SV2A: variants seen among roughly 807,000 people sequenced by gnomAD.
SV2A encodes solute carrier family 22 member B1.
SV2A carries 25 observed loss-of-function variants against 78.0 expected under a neutral mutation model. The observed-to-expected ratio is 0.32, with a 90% confidence interval of 0.23 to 0.45. The LOEUF is 0.45. Among genes scored for constraint, SV2A ranks in the 20% least tolerant of loss-of-function variants. SV2A has a pLI of 1.00. For missense variants in SV2A, 752 were observed against 971.5 expected (o/e 0.77, Z 3.00); for synonymous variants, 355 against 384.7 (o/e 0.92, Z 0.90).
At chr1:149,916,941 AG>A (rs2092517812) in intron 1 of SV2A, among the ~76,000 whole-genome samples, 2 of 152,110 alleles carry the variant, frequency 1.3e-5, no homozygotes, top group South Asian at 4.1e-4. Flanking sequence ...GGAGAGGCAG[AG>A]AGGGGGACGC....
At position 149,905,706 on chromosome 1, in the gene SV2A, G is replaced by A. The variant is rs973598617; in HGVS notation, c.2045+174C>T. ...GATCTGCCTGCCTCGGCCTCCCAAA[G>A]CACTGGGATTACAGGCATGAGTCAC... On this transcript the variant is annotated intron_variant, in intron 12 of 12. Coordinates refer to ENST00000369146, the MANE Select transcript of SV2A (RefSeq NM_014849.5). 4.6e-6 allele frequency: 4 copies of A among 863,034 alleles called. No individual in the cohort carries two copies. In the South Asian group the frequency reaches 6.7e-5, roughly 14 times the overall value. The allele number at this position is 863,034 out of a possible 1,614,324, so 53.5% of individuals were successfully genotyped here. A position where few individuals can be genotyped will look rare whatever the true frequency, so the allele number is the denominator to read the frequency against.
chr1:149,907,472 A>T (rs587680840), intron 10 of SV2A, among the ~76,000 whole-genome samples: 1 of 152,334 alleles, frequency 6.6e-6, no homozygotes, highest in African/African-American at 2.4e-5. Flanking sequence ...TTTCAGCCAA[A>T]GGCAAATAAA....
At chr1:149,911,017 A>G (rs1553763667) in intron 3 of SV2A, 40 bp from the exon 4 acceptor site, 1 of 1,597,296 alleles carries the variant, frequency 6.3e-7, no homozygotes. Flanking sequence ...GCAAATGGCC[A>G]TAGTCCTGAT....
At chr1:149,908,540 G>A (rs1553763145) in intron 8 of SV2A, among the ~76,000 whole-genome samples, 1 of 151,896 alleles carries the variant, frequency 6.6e-6, no homozygotes, top group Non-Finnish European at 1.5e-5. Flanking sequence ...ATTCACCTTT[G>A]AGGACTTAGG....
rs1553762677 is a variant in SV2A, at chr1:149,906,004, A to G, written c.1921T>C (p.Phe641Leu). 6.2e-7 allele frequency: 1 copy of G among 1,614,100 alleles called. No individual in the cohort carries two copies. Among genetic ancestry groups the G allele is most frequent in the East Asian group, 2.2e-5 (1 of 44,896 alleles). The change falls in exon 12 of 13, where the codon TTC (phenylalanine) becomes CTC (leucine). Residue 641 changes from phenylalanine (F) to leucine (L), a missense_variant. Physicochemically the swap from Phe to Leu is conservative, Grantham distance 22. Transcript: ENST00000369146. Reference protein sequence around the residue: ...SSVMSCVSCFFLSFGNSESAM... With the variant: ...SSVMSCVSCFLLSFGNSESAM... ...GACTCACTGTTCCCAAAAGACAGGA[A>G]GAAGCAGGAGACACAGGACATCACG...
chr1:149,909,235 T>G lies in SV2A; in HGVS notation c.1336A>C (p.Ile446Leu), dbSNP rs1553763293. 6.2e-7 allele frequency: 1 copy of G among 1,613,878 alleles called. No homozygotes were observed. Among genetic ancestry groups the G allele is most frequent in the African/African-American group, 1.3e-5 (1 of 74,836 alleles). ...LSCFGPEYRR[I>L]TLMMMGVWFT... ...CACACACCCATCATCATCAGAGTGA[T>G]GCGCCGATATTCGGGACCAAAACAG... is the stretch of plus-strand genomic sequence containing the variant. The change falls in exon 8 of 13, where the codon ATC (isoleucine) becomes CTC (leucine). Residue 446 changes from isoleucine to leucine, a missense_variant. By Grantham distance (5) the Ile-to-Leu change is conservative (BLOSUM62 2). Around this residue, in one of 7 missense-constraint regions of SV2A, gnomAD observed 136 missense variants for 132.3 expected, o/e 1.03. Transcript: ENST00000369146.
At chr1:149,905,401 G>A in intron 12 of SV2A, 1 of 506,048 alleles carries the variant, frequency 2.0e-6, no homozygotes, top group Non-Finnish European at 3.5e-6. Flanking sequence ...CAAAAATTGA[G>A]GTTAACAGTT....
At chr1:149,914,447 C>G (rs2092499984) in intron 1 of SV2A, among the ~76,000 whole-genome samples, 1 of 152,168 alleles carries the variant, frequency 6.6e-6, no homozygotes. Flanking sequence ...TACCCCCAAA[C>G]CCACCCCAGC....
chr1:149,905,096 A>T lies in SV2A; in HGVS notation c.2147T>A (p.Ile716Asn). ...GGCAAGGGCAGCTGAGGCAAAGAGGATGGGTGCAGCCTTGGTGATTCCCAC... is the reference window on the plus strand; with the variant it reads ...GGCAAGGGCAGCTGAGGCAAAGAGGTTGGGTGCAGCCTTGGTGATTCCCAC... ...SFVGITKAAPILFASAALALG... is the reference protein window; with the variant it reads ...SFVGITKAAPNLFASAALALG... The change falls in exon 13 of 13, where the codon ATC becomes AAC. Residue 716 changes from isoleucine (I) to asparagine (N), a missense_variant. Physicochemically the swap from Ile to Asn is moderately radical, Grantham distance 149. Around this residue, in one of 7 missense-constraint regions of SV2A, gnomAD observed 186 missense variants for 274.6 expected, o/e 0.68. Transcript: ENST00000369146. The T allele has an allele frequency of 6.2e-7, 1 of 1,613,462 alleles. No individual in the cohort carries two copies. The highest frequency in any genetic ancestry group is 1.3e-5 in the African/African-American group (1 of 75,038).
At chr1:149,905,827 C>T (rs781820053) in intron 12 of SV2A, 53 bp downstream of exon 12, 13 of 1,598,354 alleles carry the variant, frequency 8.1e-6, no homozygotes, top group Admixed American at 1.7e-5. Flanking sequence ...CCTCCTTCCT[C>T]ACCCCACCCC....
rs2092426085 is a variant in SV2A, at chr1:149,904,945, C to A, written c.*69G>T. On this transcript the variant is annotated 3_prime_UTR_variant, in exon 13 of 13. Transcript: ENST00000369146. ...GGCTCTGGAGGTCAGGATGGCAGGG[C>A]AGGGAGGGGAAGGAAGGAGTTGTTG... 6.7e-7 allele frequency: 1 copy of A among 1,489,278 alleles called. No individual in the cohort carries two copies. The highest frequency in any genetic ancestry group is 9.0e-7 in the Non-Finnish European group (1 of 1,106,990). The allele number at this position is 1,489,278 out of a possible 1,614,324, so 92.3% of individuals were successfully genotyped here. A position where few individuals can be genotyped will look rare whatever the true frequency, so the allele number is the denominator to read the frequency against.
rs1472425277 is a variant in SV2A at position 149,905,866 on chromosome 1, C to A, written c.2045+14G>T. 5.6e-6 allele frequency: 9 copies of A among 1,613,610 alleles called. No homozygotes were observed. Among genetic ancestry groups the A allele is most frequent in the South Asian group, 1.1e-5 (1 of 91,052 alleles). On this transcript the variant is annotated intron_variant, in intron 12 of 12. Coordinates refer to ENST00000369146, the MANE Select transcript of SV2A (RefSeq NM_014849.5). ...CCTGAATCCACTGCCCTGCCTCCAA[C>A]ACATTCCAACTACCTCTTGTCTGAG...
chr1:149,912,791 TC>T (rs1391798828), intron 2 of SV2A, among the ~76,000 whole-genome samples: 1 of 90,166 alleles, frequency 1.1e-5, no homozygotes, highest in African/African-American at 4.3e-5. Context: ...CCTCCCCCCC[TC>T]CCCCAACCAC....
In SV2A at chr1:149,914,446, A is replaced by T. The variant is rs182465653; in HGVS notation, c.-347-259T>A. Among the ~76,000 whole-genome samples, 303 of 152,222 alleles carry T rather than the reference A, an allele frequency of 2.0e-3. 2 individuals are homozygous for T. Among genetic ancestry groups the T allele is most frequent in the East Asian group, 7.1e-3 (37 of 5,192 alleles). ...CAAAGTCGCAGTCACCTACCCCCAAACCCACCCCAGCCCTTGCTTTATCAC... is the reference window on the plus strand; with the variant it reads ...CAAAGTCGCAGTCACCTACCCCCAATCCCACCCCAGCCCTTGCTTTATCAC... On this transcript the variant is annotated intron_variant, in intron 1 of 12. Transcript: ENST00000369146.
rs782202922 is a variant in SV2A, at chr1:149,913,666, G to A, written c.175C>T (p.Pro59Ser). The change falls in exon 2 of 13, where the codon CCT becomes TCT. Residue 59 changes from proline (P) to serine (S), a missense_variant. This residue lies in a region of SV2A where 291 missense variants were observed against 359.5 expected (regional missense o/e 0.81). Coordinates refer to ENST00000369146, the MANE Select transcript of SV2A (RefSeq NM_014849.5). ...CGGTAATAACCATCACTGGGAGCAGGGAAGTCATCATCATCATCCTCCTCC... is the reference window on the plus strand; with the variant it reads ...CGGTAATAACCATCACTGGGAGCAGAGAAGTCATCATCATCATCCTCCTCC... ...FEEEDDDDDF[P>S]APSDGYYRGE... 6.2e-7 allele frequency: 1 copy of A among 1,614,118 alleles called. No homozygotes were observed. The highest frequency in any genetic ancestry group is 8.5e-7 in the Non-Finnish European group (1 of 1,180,030).
rs781853267 is a variant in SV2A at position 149,909,455 on chromosome 1, C to G, written c.1290+6G>C. 3.1e-6 allele frequency: 5 copies of G among 1,612,010 alleles called. No homozygotes were observed. Among genetic ancestry groups the G allele is most frequent in the Non-Finnish European group, 2.5e-6 (3 of 1,178,234 alleles). On this transcript the variant is annotated splice_donor_region_variant and intron_variant, in intron 7 of 12. Coordinates refer to ENST00000369146, the MANE Select transcript of SV2A (RefSeq NM_014849.5). ...CCCTTCTATCTACCACCCCGTCCACCATTACCTGCCCCCCTAGGCTCAAGG... is the reference window on the plus strand; with the variant it reads ...CCCTTCTATCTACCACCCCGTCCACGATTACCTGCCCCCCTAGGCTCAAGG...
intron 2 of SV2A, 43 bp from the exon 3 acceptor site, chr1:149,912,023 A>G: frequency 1.3e-6 from 2 of 1,582,468 alleles, no homozygotes; most frequent in Non-Finnish European, 1.7e-6. Flanking sequence ...GTGAGCAGAC[A>G]CACCTTAATT....
At chr1:149,906,328 TATC>T (rs1284748089) in intron 11 of SV2A, among the ~76,000 whole-genome samples, 1 of 152,170 alleles carries the variant, frequency 6.6e-6, no homozygotes, top group East Asian at 1.9e-4. Flanking sequence ...CAGGTACTAT[TATC>T]ACCTCCATTT....
Position 149,903,581 on chromosome 1 carries a change from A to G in SV2A, c.*1433T>C, listed in dbSNP as rs2092413831. 2.0e-5 allele frequency: 3 copies of G among 152,314 alleles called. No homozygotes were observed. The highest frequency in any genetic ancestry group is 2.0e-4 in the Admixed American group (3 of 15,288). 9.4% of individuals were successfully genotyped at this position (152,314 alleles called of 1,614,324 possible). A position where few individuals can be genotyped will look rare whatever the true frequency, so the allele number is the denominator to read the frequency against. On this transcript the variant is annotated 3_prime_UTR_variant, in exon 13 of 13. Coordinates refer to ENST00000369146, the MANE Select transcript of SV2A (RefSeq NM_014849.5). Reference sequence around the variant, plus strand: ...AAGAGTTAAACAGTCACCACCTGGTACAGTGTTACAAAATGGGGAGAGTGA... The same window carrying G: ...AAGAGTTAAACAGTCACCACCTGGTGCAGTGTTACAAAATGGGGAGAGTGA...
Sources: gnomAD v4.1 joint callset for allele counts (sites outside exome capture counted in the v4.1 genomes callset) on GRCh38, gnomAD v4.1.1 for gene constraint, gnomAD v4.1.1 regional missense constraint, MANE v1.5 for transcripts, NCBI Gene and HGNC (gene_info 2026-07-23, HGNC 2026-07-21) for gene names.